Variants in RTEL1 observed in about 807,000 individuals in gnomAD.
The protein encoded by RTEL1 is regulator of telomere length.
In RTEL1, 86 loss-of-function variants were observed where a neutral mutation model predicts 162.2. The ratio of observed to expected loss-of-function variants is 0.53; its 90% CI spans 0.45 to 0.63. RTEL1 has a LOEUF of 0.63. Among genes scored for constraint, RTEL1 ranks in the 30% least tolerant of loss-of-function variants. The pLI is 0.00. For missense variants in RTEL1, 1,941 were observed against 1,750.2 expected (o/e 1.11, Z -1.95); for synonymous variants, 958 against 717.9 (o/e 1.33, Z -5.35).
Position 63,690,219 on chromosome 20 carries a change from C to T in RTEL1, c.2265+9C>T, listed in dbSNP as rs1427102709. ...GTGTTGCCGAGCGAACTGTGAGTTC[C>T]TGCCCAGGGAGGGGATGAGGGTGTT... On this transcript the variant is annotated intron_variant, in intron 25 of 34. Transcript: ENST00000360203. 1 of 1,611,782 alleles carries T rather than the reference C, an allele frequency of 6.2e-7. No homozygotes were observed. Among genetic ancestry groups the T allele is most frequent in the Non-Finnish European group, 8.5e-7 (1 of 1,179,234 alleles).
At position 63,675,528 on chromosome 20, in the gene RTEL1, T is replaced by G. The variant is rs966548618; in HGVS notation, c.919+1435T>G. On this transcript the variant is annotated intron_variant, in intron 10 of 34. Transcript: ENST00000360203. ...TATATATATATATATATACATATAT[T>G]TAAGTGACAGGGTCTCACTCTGTTG... Among the ~76,000 whole-genome samples the G allele has an allele frequency of 2.6e-5, 4 of 151,974 alleles. No homozygotes were observed. In the East Asian group the frequency reaches 7.7e-4, roughly 29 times the overall value.
chr20:63,677,918 G>A (rs1219745902), intron 10 of RTEL1, among the ~76,000 whole-genome samples: 1 of 101,432 alleles, frequency 9.9e-6, no homozygotes, highest in Non-Finnish European at 2.0e-5. Flanking sequence ...TGGCCTGCAC[G>A]GATTCTGTGT....
chr20:63,693,543 ACCACCACCACCTCCACCTCCACCACCT>A (rs2090858934), intron 30 of RTEL1, among the ~76,000 whole-genome samples: 3 of 21,622 alleles, frequency 1.4e-4, no homozygotes, highest in Non-Finnish European at 2.9e-4. Context: ...CACCACCACC[ACCACCACCACCTCCACCTCCACCACCT>A]CCACCTCCAC....
In RTEL1 at chr20:63,690,852, G is replaced by A. The variant is rs2090722556; in HGVS notation, c.2461G>A (p.Glu821Lys). The A allele has an allele frequency of 6.2e-7, 1 of 1,605,350 alleles. No homozygotes were observed. Among genetic ancestry groups the A allele is most frequent in the Non-Finnish European group, 8.5e-7 (1 of 1,177,574 alleles). Residue 821 changes from glutamate (E) to lysine (K), a missense_variant, in exon 27 of 35, where the codon GAG (glutamate) becomes AAG (lysine). Transcript: ENST00000360203. ...CGAGAGTAGCCTGTGTGTGGAGTAT[G>A]AGCAGGAGCCAGTTCCTGCCCGGCA... is the stretch of plus-strand genomic sequence containing the variant. ...DPESSLCVEY[E>K]QEPVPARQRP... is the part of the protein sequence containing the mutation.
intron 30 of RTEL1, among the ~76,000 whole-genome samples, 166 bp downstream of exon 30, chr20:63,693,449 C>T (rs1386512430): frequency 1.1e-5 from 1 of 90,022 alleles, no homozygotes; most frequent in Non-Finnish European, 2.2e-5. Flanking sequence ...GCACCAGCAG[C>T]ACCACCTCCA....
At chr20:63,671,017 G>T (rs753525949) in intron 8 of RTEL1, among the ~76,000 whole-genome samples, 4 of 152,146 alleles carry the variant, frequency 2.6e-5, no homozygotes, top group Non-Finnish European at 4.4e-5. Context: ...TCTCGGACAT[G>T]CTAACCCAGA....
intron 8 of RTEL1, among the ~76,000 whole-genome samples, chr20:63,671,121 T>C (rs1417607695): frequency 1.3e-5 from 2 of 152,146 alleles, no homozygotes; most frequent in African/African-American, 4.8e-5. Flanking sequence ...AGTGCAGTGG[T>C]GTGGTCTTGG....
At chr20:63,670,807 A>C in intron 8 of RTEL1, among the ~76,000 whole-genome samples, 1 of 133,668 alleles carries the variant, frequency 7.5e-6, no homozygotes, top group African/African-American at 2.7e-5. Context: ...ACATAGGGAG[A>C]CCCCATCTCA....
In RTEL1 at chr20:63,687,927, C is replaced by G. The variant is rs754623770; in HGVS notation, c.1482-10C>G. The G allele has an allele frequency of 2.5e-5, 40 of 1,611,574 alleles. No homozygotes were observed. The East Asian group carries it at 8.2e-4, about 33-fold the overall frequency. On this transcript the variant is annotated splice_polypyrimidine_tract_variant and intron_variant, in intron 17 of 34. Transcript: ENST00000360203. ...CTTCCCCACTGTCTGCTCCCTCTGG[C>G]CACGCTCAGCCCTTTCCCAGTCTGC... is the stretch of plus-strand genomic sequence containing the variant.
intron 9 of RTEL1, among the ~76,000 whole-genome samples, chr20:63,673,592 C>T (rs2090288846): frequency 6.6e-6 from 1 of 152,022 alleles, no homozygotes; most frequent in Admixed American, 6.5e-5. Context: ...GTGCACACCA[C>T]CACGCCCGGC....
intron 13 of RTEL1, among the ~76,000 whole-genome samples, chr20:63,680,437 C>G (rs2090455887): frequency 6.6e-6 from 1 of 152,234 alleles, no homozygotes; most frequent in Non-Finnish European, 1.5e-5. Context: ...TCAAGTCCCA[C>G]TGACCCCCTT....
In RTEL1 at chr20:63,695,153, A is replaced by G. The variant is rs1036294208; in HGVS notation, c.3431A>G (p.Glu1144Gly). ...ACCGGCCGGCCCTACCCGGGCATGG[A>G]GCCACCGGGACCCCAGGAGGAGAGG... Reference protein sequence around the residue: ...DLTGRPYPGMEPPGPQEERLA... With the variant: ...DLTGRPYPGMGPPGPQEERLA... Residue 1144 changes from glutamate to glycine, a missense_variant, in exon 33 of 35, where the codon GAG becomes GGG. Glu to Gly is a moderately conservative substitution (Grantham distance 98). Coordinates refer to ENST00000360203, the MANE Select transcript of RTEL1 (RefSeq NM_001283009.2). The G allele has an allele frequency of 6.2e-7, 1 of 1,612,194 alleles. No individual in the cohort carries two copies. Among genetic ancestry groups the G allele is most frequent in the Non-Finnish European group, 8.5e-7 (1 of 1,179,816 alleles).
At position 63,696,185 on chromosome 20, in the gene RTEL1, G is replaced by A. The variant is rs1342414686; in HGVS notation, c.*327G>A. On this transcript the variant is annotated 3_prime_UTR_variant, in exon 35 of 35. Transcript: ENST00000360203. ...CACCGGGAAGGAGGAGACCCCCGTG[G>A]GCACGTGTCCACTTTTAATCAGGGG... 1 of 446,534 alleles carries A rather than the reference G, an allele frequency of 2.2e-6. No homozygotes were observed. The highest frequency in any genetic ancestry group is 4.0e-6 in the Non-Finnish European group (1 of 248,962). The allele number at this position is 446,534 out of a possible 1,614,324, so 27.7% of individuals were successfully genotyped here. A position where few individuals can be genotyped will look rare whatever the true frequency, so the allele number is the denominator to read the frequency against.
At position 63,693,123 on chromosome 20, in the gene RTEL1, A is replaced by C. The variant is rs993518393; in HGVS notation, c.2852-20A>C. ...TAGAGAAAAAGGGGCAGATGGGGAC[A>C]GACGCCCCTTCCTCTACAGGCTTCT... On this transcript the variant is annotated intron_variant, in intron 29 of 34. Coordinates refer to ENST00000360203, the MANE Select transcript of RTEL1 (RefSeq NM_001283009.2). The C allele has an allele frequency of 1.7e-5, 27 of 1,612,256 alleles. No homozygotes were observed. Among genetic ancestry groups the C allele is most frequent in the Non-Finnish European group, 2.2e-5 (26 of 1,179,604 alleles).
chr20:63,695,526 C>G lies in RTEL1; in HGVS notation c.3698C>G (p.Ala1233Gly), dbSNP rs762690072. The G allele has an allele frequency of 9.9e-6, 16 of 1,612,114 alleles. No individual in the cohort carries two copies. The highest frequency in any genetic ancestry group is 1.7e-6 in the Non-Finnish European group (2 of 1,179,818). ...RDIAGQQATG[A>G]PGGPLSAGCV... ...ATCGCTGGGCAGCAGGCCACGGGAG[C>G]TCCGGGCGGGCCCCTCTCAGCAGGC... The change falls in exon 34 of 35, where the codon GCT becomes GGT. Residue 1233 changes from alanine (A) to glycine (G), a missense_variant. Transcript: ENST00000360203.
chr20:63,678,376 G>T, intron 12 of RTEL1, 30 bp downstream of exon 12: 2 of 1,589,014 alleles, frequency 1.3e-6, no homozygotes, highest in Non-Finnish European at 1.7e-6. Flanking sequence ...CCCCTTCACT[G>T]CAGGCCCAGC....
rs1263651818 is a variant in RTEL1 at position 63,692,953 on chromosome 20, G to T, written c.2801G>T (p.Cys934Phe). 2.5e-6 allele frequency: 4 copies of T among 1,612,548 alleles called. No individual in the cohort carries two copies. The highest frequency in any genetic ancestry group is 3.3e-5 in the Admixed American group (2 of 59,998). Residue 934 changes from cysteine (C) to phenylalanine (F), a missense_variant, in exon 29 of 35, where the codon TGT (cysteine) becomes TTT (phenylalanine). Cys to Phe is a radical substitution (Grantham distance 205). Coordinates refer to ENST00000360203, the MANE Select transcript of RTEL1 (RefSeq NM_001283009.2). Reference sequence around the variant, plus strand: ...GATGACTTCGCCGCCCTGGCCGCCTGTCTCGGCCCCCTCTTTGCTGAGGAC... The same window carrying T: ...GATGACTTCGCCGCCCTGGCCGCCTTTCTCGGCCCCCTCTTTGCTGAGGAC... ...GSDDFAALAA[C>F]LGPLFAEDPK...
intron 28 of RTEL1, chr20:63,692,386 C>T (rs148879238): frequency 1.0e-3 from 239 of 239,646 alleles, no homozygotes; most frequent in African/African-American, 4.2e-3. Flanking sequence ...TCCACGTTTC[C>T]GTGTTGGTCT....
chr20:63,679,107 C>T (rs1229126798), intron 12 of RTEL1, among the ~76,000 whole-genome samples: 2 of 152,202 alleles, frequency 1.3e-5, no homozygotes, highest in Admixed American at 6.5e-5. Flanking sequence ...ACGTTCTGAA[C>T]GCTCCGTGGG....
Sources: gnomAD v4.1 joint callset for allele counts (sites outside exome capture counted in the v4.1 genomes callset) on GRCh38, gnomAD v4.1.1 for gene constraint, MANE v1.5 for transcripts, NCBI Gene and HGNC (gene_info 2026-07-23, HGNC 2026-07-21) for gene names.